Variants in AKAIN1 observed in about 807,000 individuals in gnomAD.
AKAIN1 encodes the protein A-kinase anchor protein inhibitor 1.
AKAIN1 carries 3 observed loss-of-function variants against 3.7 expected under a neutral mutation model. The ratio of observed to expected loss-of-function variants is 0.82; its 90% confidence interval spans 0.37 to 2.12. The LOEUF (loss-of-function observed/expected upper bound fraction) is 2.12, where lower values mean the gene tolerates loss of function less well. AKAIN1 is among the 30% of genes most tolerant of loss of function. AKAIN1 has a pLI of 0.06. For missense variants in AKAIN1, 82 were observed against 82.7 expected, an observed-to-expected ratio of 0.99 and a Z score of 0.03; for synonymous variants, 31 against 30.8, an observed-to-expected ratio of 1.01 and a Z score of -0.02.
At chr18:5,152,770 C>G (rs2071086631) in intron 1 of AKAIN1, among the ~76,000 whole-genome samples, 5 of 152,182 alleles carry the variant, frequency 3.3e-5, no homozygotes, top group Admixed American at 3.3e-4. Flanking sequence ...TGGCAAGTCC[C>G]TGATCTGCGT....
rs1380786535 is a variant in AKAIN1, at chr18:5,143,107, T to C, written c.*2455A>G. ...CTAAGTAAATGTTCCCACTCATTTC[T>C]GAAACTAAAAGCTGTGATCTGGTTT... is the stretch of plus-strand genomic sequence containing the variant. On this transcript the variant is annotated 3_prime_UTR_variant, in exon 2 of 2. Transcript: ENST00000434239. 1.2e-4 allele frequency among the ~76,000 whole-genome samples: 19 copies of C among 152,218 alleles called. No homozygotes were observed. Among genetic ancestry groups the C allele is most frequent in the African/African-American group, 3.9e-4 (16 of 41,456 alleles).
intron 1 of AKAIN1, among the ~76,000 whole-genome samples, chr18:5,178,407 A>C (rs1298100858): frequency 6.6e-6 from 1 of 152,090 alleles, no homozygotes; most frequent in Non-Finnish European, 1.5e-5. Flanking sequence ...CACTGTCAGT[A>C]TCTAAAGAGT....
Position 5,184,258 on chromosome 18 carries a change from C to T in AKAIN1, c.16+12780G>A, listed in dbSNP as rs1567878966. ...GGCAAATTTGCAAATATGATATTCA[C>T]AAATAATGAGGATCCACAATATCAT... is the stretch of plus-strand genomic sequence containing the variant. On this transcript the variant is annotated intron_variant, in intron 1 of 1. Coordinates refer to ENST00000434239, the MANE Select transcript of AKAIN1 (RefSeq NM_001145194.2). Among the ~76,000 whole-genome samples the T allele has an allele frequency of 2.0e-5, 3 of 151,966 alleles. No homozygotes were observed. The South Asian group carries it at 6.2e-4, about 31-fold the overall frequency.
chr18:5,197,076 C>A lies in AKAIN1; in HGVS notation c.-23G>T, dbSNP rs761147961. 2.1e-5 allele frequency: 32 copies of A among 1,551,436 alleles called. No homozygotes were observed. The highest frequency in any genetic ancestry group is 2.4e-5 in the Non-Finnish European group (28 of 1,146,964). On this transcript the variant is annotated 5_prime_UTR_variant, in exon 1 of 2. Coordinates refer to ENST00000434239, the MANE Select transcript of AKAIN1 (RefSeq NM_001145194.2). This position sits in a 1 kb window ranked among gnomAD's most constrained non-coding sequence, Gnocchi z 6.9. ...CATGATTTCTTCCAGCCGCTACGCC[C>A]CCAGATTAAGAGAGAAAGACAGGCA... is the stretch of plus-strand genomic sequence containing the variant.
intron 1 of AKAIN1, among the ~76,000 whole-genome samples, chr18:5,152,193 C>T (rs1365268455): frequency 1.3e-5 from 2 of 152,334 alleles, no homozygotes; most frequent in South Asian, 2.1e-4. Flanking sequence ...CTGAAAGTCA[C>T]TCAACACTAG....
At chr18:5,194,591 A>C (rs777100722) in intron 1 of AKAIN1, among the ~76,000 whole-genome samples, 14 of 152,134 alleles carry the variant, frequency 9.2e-5, no homozygotes, top group Non-Finnish European at 1.8e-4. Context: ...GAGCCAGGAG[A>C]ATCATTCAAA....
chr18:5,190,389 C>G (rs1444291236), intron 1 of AKAIN1, among the ~76,000 whole-genome samples: 1 of 152,008 alleles, frequency 6.6e-6, no homozygotes, highest in African/African-American at 2.4e-5. Flanking sequence ...ATGAAATAAG[C>G]AACTTTACTA....
chr18:5,185,457 G>C (rs1055922226), intron 1 of AKAIN1, among the ~76,000 whole-genome samples: 4 of 152,000 alleles, frequency 2.6e-5, no homozygotes, highest in Non-Finnish European at 5.9e-5. Context: ...TCCAACAAAG[G>C]TCTAATATCC....
At chr18:5,188,089 C>T (rs2071297808) in intron 1 of AKAIN1, among the ~76,000 whole-genome samples, 1 of 152,062 alleles carries the variant, frequency 6.6e-6, no homozygotes, top group Non-Finnish European at 1.5e-5. Context: ...ATGTTAAAGC[C>T]AAAGAATAAT....
upstream of AKAIN1, chr18:5,197,540 G>C (rs1187913807): frequency 5.5e-6 from 6 of 1,094,266 alleles, no homozygotes; most frequent in Admixed American, 2.6e-4. The surrounding 1 kb of genome is among the most constrained non-coding windows in gnomAD (Gnocchi z 6.9). Flanking sequence ...CTTTACTCTC[G>C]AGGATGACTC....
chr18:5,194,895 G>A (rs2071339228), intron 1 of AKAIN1, among the ~76,000 whole-genome samples: 2 of 152,152 alleles, frequency 1.3e-5, no homozygotes, highest in East Asian at 1.9e-4. Context: ...AAAACATCTG[G>A]ATTCCCAGAT....
intron 1 of AKAIN1, among the ~76,000 whole-genome samples, chr18:5,184,633 C>T (rs9955372): frequency 0.28 from 42,783 of 151,758 alleles, 6,214 homozygotes; most frequent in Non-Finnish European, 0.3. Context: ...TACAGCTAAC[C>T]AGGGAGGTAA....
At chr18:5,196,984 C>T (rs2071351757) in intron 1 of AKAIN1, 54 bp downstream of exon 1, 2 of 1,473,884 alleles carry the variant, frequency 1.4e-6, no homozygotes, top group Non-Finnish European at 1.9e-6. Flanking sequence ...TCCTCTCCGT[C>T]CTCTACCCTG....
chr18:5,145,381 C>A lies in AKAIN1; in HGVS notation c.*181G>T, dbSNP rs1172991057. ...CTCAGAGGCACTGCATAAATATGAACAGAATCGTCTAATGCACTTTTTCAA... is the reference window on the plus strand; with the variant it reads ...CTCAGAGGCACTGCATAAATATGAAAAGAATCGTCTAATGCACTTTTTCAA... On this transcript the variant is annotated 3_prime_UTR_variant, in exon 2 of 2. Coordinates refer to ENST00000434239, the MANE Select transcript of AKAIN1 (RefSeq NM_001145194.2). 5 of 531,078 alleles carry A rather than the reference C, an allele frequency of 9.4e-6. No individual in the cohort carries two copies. Among genetic ancestry groups the A allele is most frequent in the Admixed American group, 3.3e-5 (1 of 30,744 alleles). 32.9% of individuals were successfully genotyped at this position (531,078 alleles called of 1,614,324 possible).
At chr18:5,166,300 G>A (rs773171304) in intron 1 of AKAIN1, among the ~76,000 whole-genome samples, 1 of 151,944 alleles carries the variant, frequency 6.6e-6, no homozygotes, top group Non-Finnish European at 1.5e-5. Flanking sequence ...ACAACAAAAT[G>A]TTTGGGTTTT....
intron 1 of AKAIN1, among the ~76,000 whole-genome samples, chr18:5,160,395 G>A (rs1384687945): frequency 6.6e-6 from 1 of 152,018 alleles, no homozygotes; most frequent in African/African-American, 2.4e-5. Context: ...TTTTTATGAG[G>A]TACCCGTTTA....
chr18:5,160,398 C>T (rs1598307461), intron 1 of AKAIN1, among the ~76,000 whole-genome samples: 1 of 152,064 alleles, frequency 6.6e-6, no homozygotes, highest in African/African-American at 2.4e-5. Flanking sequence ...TTATGAGGTA[C>T]CCGTTTAAGT....
intron 1 of AKAIN1, among the ~76,000 whole-genome samples, chr18:5,172,921 ATAAT>A (rs1233355497): frequency 6.6e-6 from 1 of 152,152 alleles, no homozygotes; most frequent in Non-Finnish European, 1.5e-5. Context: ...AGTTTGCAAC[ATAAT>A]TAGATACTTT....
chr18:5,162,429 A>G (rs397777), intron 1 of AKAIN1, among the ~76,000 whole-genome samples: 10,599 of 152,082 alleles, frequency 0.07, 991 homozygotes, highest in African/African-American at 0.21. Context: ...CATTAGGGAT[A>G]TTGATTGAGA....
Sources: allele counts gnomAD v4.1 joint callset (sites outside exome capture counted in the v4.1 genomes callset), GRCh38; gene constraint gnomAD v4.1.1; non-coding constraint Gnocchi (gnomAD v3.1); transcripts MANE v1.5; gene names NCBI Gene and HGNC (gene_info 2026-07-23, HGNC 2026-07-21).